Variants in LTBP1 observed in about 807,000 individuals in gnomAD.
The protein encoded by LTBP1 is latent transforming growth factor beta binding protein 1.
In LTBP1, 129 loss-of-function variants were observed where a neutral mutation model predicts 207.6. The ratio of observed to expected loss-of-function variants is 0.62; its 90% CI spans 0.54 to 0.72. LTBP1 has a LOEUF of 0.72. Ranked by LOEUF, LTBP1 falls within the 30% of genes least tolerant of loss-of-function variation. LTBP1 has a pLI of 0.00. For missense variants in LTBP1, 2,281 were observed against 2,217.2 expected, an observed-to-expected ratio of 1.03 and a Z score of -0.58; for synonymous variants, 963 against 833.7, an observed-to-expected ratio of 1.16 and a Z score of -2.67.
At chr2:33,338,327 G>A (rs1341470701) in intron 24 of LTBP1, among the ~76,000 whole-genome samples, 3 of 152,056 alleles carry the variant, frequency 2.0e-5, no homozygotes, top group Admixed American at 6.6e-5. Flanking sequence ...CAATTATTTG[G>A]TTCCTGTGCA....
chr2:32,968,284 T>G (rs72789889), intron 2 of LTBP1, among the ~76,000 whole-genome samples: 16,330 of 152,266 alleles, frequency 0.11, 1,108 homozygotes, highest in Middle Eastern at 0.16. Flanking sequence ...GTTTTTGCCT[T>G]ATGTATTTGG....
At chr2:33,052,287 G>A (rs745607402) in intron 3 of LTBP1, among the ~76,000 whole-genome samples, 16 of 152,226 alleles carry the variant, frequency 1.1e-4, no homozygotes, top group Non-Finnish European at 2.2e-4. Flanking sequence ...AATATTTAGT[G>A]ATGCAGTGAT....
intron 2 of LTBP1, among the ~76,000 whole-genome samples, chr2:32,984,436 A>G (rs1436827963): frequency 3.9e-5 from 6 of 152,200 alleles, no homozygotes. Context: ...CAAAAATAGG[A>G]GAGCAATCTC....
intron 3 of LTBP1, among the ~76,000 whole-genome samples, chr2:33,046,596 G>A (rs2076458972): frequency 6.6e-6 from 1 of 152,168 alleles, no homozygotes; most frequent in South Asian, 2.1e-4. Flanking sequence ...GTCTCTGGCA[G>A]GTTTTGGTAT....
chr2:33,328,162 T>TAAATAAATAAATAAATAAAATA (rs61232623), intron 24 of LTBP1, among the ~76,000 whole-genome samples: 20 of 145,866 alleles, frequency 1.4e-4, no homozygotes, highest in African/African-American at 5.2e-4. Flanking sequence ...AATAAATAAA[T>TAAATAAATAAATAAATAAAATA]AAATAAAATA....
chr2:32,947,094 G>T lies in LTBP1; in HGVS notation c.-231G>T, dbSNP rs1572758608. On this transcript the variant is annotated 5_prime_UTR_variant, in exon 1 of 34. Coordinates refer to ENST00000404816, the MANE Select transcript of LTBP1 (RefSeq NM_206943.4). The stretch of plus-strand genomic sequence containing the variant: ...CGCCCCTCCCCGCTCCCCGGGCTCC[G>T]CGCTCCCCACCCCCACGCCCTCCTC... The T allele has an allele frequency of 3.1e-6, 1 of 319,958 alleles. No homozygotes were observed. Among genetic ancestry groups the T allele is most frequent in the African/African-American group, 2.2e-5 (1 of 46,024 alleles). 19.8% of individuals were successfully genotyped at this position (319,958 alleles called of 1,614,324 possible).
intron 7 of LTBP1, among the ~76,000 whole-genome samples, chr2:33,202,062 G>C (rs28654704): frequency 0.1 from 10,554 of 102,420 alleles, 853 homozygotes; most frequent in African/African-American, 0.28. Context: ...CACACACACA[G>C]AGCATTCTAA....
At chr2:33,276,345 A>G (rs1330351350) in intron 18 of LTBP1, among the ~76,000 whole-genome samples, 2 of 152,182 alleles carry the variant, frequency 1.3e-5, no homozygotes, top group Non-Finnish European at 2.9e-5. Flanking sequence ...GTGTTCTGGT[A>G]CTTTCTCACA....
At position 33,007,416 on chromosome 2, in the gene LTBP1, A is replaced by G. The variant is rs77136840; in HGVS notation, c.566-13493A>G. ...TGCTGTCAAAATAAATCAAATGGTA[A>G]TTTTAAAAGACTCTGTCTCATTCAT... is the stretch of plus-strand genomic sequence containing the variant. On this transcript the variant is annotated intron_variant, in intron 2 of 33. Coordinates refer to ENST00000404816, the MANE Select transcript of LTBP1 (RefSeq NM_206943.4). Among the ~76,000 whole-genome samples, 315 of 152,310 alleles carry G rather than the reference A, an allele frequency of 2.1e-3. 1 individual carries two copies. Among genetic ancestry groups the G allele is most frequent in the African/African-American group, 7.2e-3 (299 of 41,570 alleles).
At chr2:33,127,438 G>T (rs1161123422) in intron 4 of LTBP1, among the ~76,000 whole-genome samples, 1 of 152,030 alleles carries the variant, frequency 6.6e-6, no homozygotes, top group African/African-American at 2.4e-5. Flanking sequence ...CACATTGTCT[G>T]CCCTTCCTGT....
chr2:33,033,277 G>T (rs761492166), intron 3 of LTBP1, among the ~76,000 whole-genome samples: 2 of 151,374 alleles, frequency 1.3e-5, no homozygotes, highest in Non-Finnish European at 2.9e-5. Context: ...ATGTAATACT[G>T]TCCCCTCTGT....
intron 3 of LTBP1, among the ~76,000 whole-genome samples, chr2:33,090,597 A>G (rs1244048485): frequency 6.6e-6 from 1 of 152,158 alleles, no homozygotes; most frequent in Non-Finnish European, 1.5e-5. Context: ...AGATAGGGAA[A>G]CAGGCTTGGA....
At chr2:33,327,101 GA>G (rs2094437677) in intron 24 of LTBP1, among the ~76,000 whole-genome samples, 1 of 152,116 alleles carries the variant, frequency 6.6e-6, no homozygotes, top group Admixed American at 6.6e-5. Context: ...GTGGGGAAAG[GA>G]ACCAGGCCTT....
chr2:33,347,527 CTG>C lies in LTBP1; in HGVS notation c.4000+20_4000+21del. ...CCTCCACAGGTAAGTCCCAGTGACA[CTG>C]TGCAAGGGAATGACAGGCTCCTCTC... On this transcript the variant is annotated intron_variant, in intron 26 of 33. Transcript: ENST00000404816. 2.5e-6 allele frequency: 4 copies of C among 1,613,800 alleles called. No individual in the cohort carries two copies. The highest frequency in any genetic ancestry group is 3.4e-6 in the Non-Finnish European group (4 of 1,179,948).
rs758820142 is a variant in LTBP1 at position 33,285,062 on chromosome 2, A to AT, written c.3112+4905dup. ...TTTTTTTTTTTTTTTTTTTTCTGAGATGGAGTCTCACTCTTGTCGCCCAGG... is the reference window on the plus strand; with the variant it reads ...TTTTTTTTTTTTTTTTTTTTCTGAGATTGGAGTCTCACTCTTGTCGCCCAGG... On this transcript the variant is annotated intron_variant, in intron 19 of 33. Transcript: ENST00000404816. Among the ~76,000 whole-genome samples the AT allele has an allele frequency of 2.4e-5, 3 of 123,024 alleles. No individual in the cohort carries two copies. The East Asian group carries it at 7.5e-4, about 31-fold the overall frequency. The allele number at this position is 123,024 out of a possible 152,430, so 80.7% of individuals were successfully genotyped here.
intron 1 of LTBP1, among the ~76,000 whole-genome samples, chr2:32,948,100 A>C (rs2148171666): frequency 6.6e-6 from 1 of 152,364 alleles, no homozygotes; most frequent in Non-Finnish European, 1.5e-5. Context: ...TCTGCGCGCA[A>C]ACCCAACTGC....
At chr2:33,142,434 A>T (rs1267073639) in intron 5 of LTBP1, among the ~76,000 whole-genome samples, 1 of 151,982 alleles carries the variant, frequency 6.6e-6, no homozygotes, top group Non-Finnish European at 1.5e-5. Context: ...AGGGAAATAA[A>T]ATTGGTTCTT....
chr2:33,028,082 C>T (rs1443180427), intron 3 of LTBP1, among the ~76,000 whole-genome samples: 1 of 152,062 alleles, frequency 6.6e-6, no homozygotes, highest in Non-Finnish European at 1.5e-5. Context: ...TTTTTTCCTC[C>T]TGAGACTGAG....
intron 2 of LTBP1, among the ~76,000 whole-genome samples, chr2:32,953,083 C>T (rs535344919): frequency 7.2e-5 from 11 of 152,330 alleles, no homozygotes; most frequent in Non-Finnish European, 1.2e-4. Flanking sequence ...AACAGAAAAT[C>T]GATATTCCAT....
Sources: allele counts gnomAD v4.1 joint callset (sites outside exome capture counted in the v4.1 genomes callset), GRCh38; gene constraint gnomAD v4.1.1; transcripts MANE v1.5; gene names NCBI Gene and HGNC (gene_info 2026-07-23, HGNC 2026-07-21).